KCNN2: variants seen among roughly 807,000 people sequenced by gnomAD.
The protein encoded by KCNN2 is potassium calcium-activated channel subfamily N member 2.
A neutral mutation model predicts 55.5 loss-of-function variants in KCNN2; 24 were observed. That is an observed-to-expected ratio of 0.43 (90% CI 0.31 to 0.61). The LOEUF (loss-of-function observed/expected upper bound fraction) is 0.61. Ranked by LOEUF, KCNN2 falls within the 20% of genes least tolerant of loss-of-function variation. The pLI is 0.08. For synonymous variants in KCNN2, 431 were observed against 336.1 expected (o/e 1.28, Z -3.09); for missense variants, 754 against 853.6 (o/e 0.88, Z 1.45).
At chr5:114,275,682 C>T (rs1363587666) in intron 2 of KCNN2, among the ~76,000 whole-genome samples, 2 of 151,576 alleles carry the variant, frequency 1.3e-5, no homozygotes, top group East Asian at 3.9e-4. Flanking sequence ...TGGTGATATC[C>T]CCTTTATTAT....
chr5:114,355,005 A>G (rs1430606651), intron 2 of KCNN2, among the ~76,000 whole-genome samples: 1 of 152,196 alleles, frequency 6.6e-6, no homozygotes, highest in Non-Finnish European at 1.5e-5. Context: ...AACCTTGGTA[A>G]TTTATTTACA....
At chr5:114,300,847 A>G (rs1756139958) in intron 2 of KCNN2, among the ~76,000 whole-genome samples, 1 of 152,208 alleles carries the variant, frequency 6.6e-6, no homozygotes, top group South Asian at 2.1e-4. Context: ...CTCTAAGGTC[A>G]ATGAACTGTC....
At chr5:114,477,387 G>C (rs546126042) in intron 5 of KCNN2, among the ~76,000 whole-genome samples, 1 of 152,174 alleles carries the variant, frequency 6.6e-6, no homozygotes, top group South Asian at 2.1e-4. Flanking sequence ...TTCTCTGTAT[G>C]ACTACATTAA....
intron 1 of KCNN2, among the ~76,000 whole-genome samples, chr5:114,217,112 CTAAA>C (rs915852331): frequency 1.3e-5 from 2 of 152,042 alleles, no homozygotes; most frequent in African/African-American, 4.8e-5. Context: ...AATCAAATAA[CTAAA>C]TAAATGGAGA....
intron 4 of KCNN2, among the ~76,000 whole-genome samples, chr5:114,470,716 T>G (rs540455875): frequency 1.3e-5 from 2 of 152,350 alleles, no homozygotes; most frequent in African/African-American, 4.8e-5. Context: ...TTGTTTATCG[T>G]GTCTTCATAA....
At chr5:114,077,767 G>A (rs1409908162) in intron 1 of KCNN2, among the ~76,000 whole-genome samples, 1 of 152,162 alleles carries the variant, frequency 6.6e-6, no homozygotes, top group Admixed American at 6.5e-5. Flanking sequence ...GATAAAGCAG[G>A]TGTTTGAAAA....
intron 1 of KCNN2, among the ~76,000 whole-genome samples, chr5:114,101,769 C>A (rs1022632340): frequency 1.3e-5 from 2 of 151,998 alleles, no homozygotes. Context: ...TGAACTCATC[C>A]TTTTTATGGC....
At chr5:114,422,202 A>C (rs144826072) in intron 3 of KCNN2, among the ~76,000 whole-genome samples, 5 of 152,198 alleles carry the variant, frequency 3.3e-5, no homozygotes, top group African/African-American at 1.2e-4. Context: ...TCTTACTGCT[A>C]TAGATTAAAT....
At chr5:114,226,794 G>A (rs990638564) in intron 2 of KCNN2, among the ~76,000 whole-genome samples, 1 of 151,568 alleles carries the variant, frequency 6.6e-6, no homozygotes, top group Non-Finnish European at 1.5e-5. Context: ...CCAGCTACTT[G>A]GGAGGCTGAG....
intron 1 of KCNN2, among the ~76,000 whole-genome samples, chr5:114,122,877 G>A (rs1200818751): frequency 6.6e-6 from 1 of 152,142 alleles, no homozygotes; most frequent in Non-Finnish European, 1.5e-5. Context: ...GAACACTGGA[G>A]GAAAGCAAAT....
intron 1 of KCNN2, among the ~76,000 whole-genome samples, chr5:114,199,433 A>G (rs1753624322): frequency 6.6e-6 from 1 of 152,134 alleles, no homozygotes; most frequent in South Asian, 2.1e-4. Context: ...TAATATTGAT[A>G]TATGAGGCTT....
chr5:114,241,286 G>A (rs939299018), intron 2 of KCNN2, among the ~76,000 whole-genome samples: 1 of 151,760 alleles, frequency 6.6e-6, no homozygotes, highest in Non-Finnish European at 1.5e-5. Context: ...AATAGATTTG[G>A]AATAGGTAAA....
At chr5:114,272,368 C>T (rs1406135484) in intron 2 of KCNN2, among the ~76,000 whole-genome samples, 3 of 122,460 alleles carry the variant, frequency 2.4e-5, no homozygotes, top group South Asian at 2.8e-4. Context: ...CATATACACA[C>T]ACATATGTAT....
At chr5:114,393,623 T>C (rs1265150817) in intron 2 of KCNN2, among the ~76,000 whole-genome samples, 1 of 152,090 alleles carries the variant, frequency 6.6e-6, no homozygotes, top group Non-Finnish European at 1.5e-5. Flanking sequence ...AAGTCTCCCA[T>C]CCATTTCTAG....
At chr5:114,056,880 A>G (rs753876475) in intron 1 of KCNN2, among the ~76,000 whole-genome samples, 3 of 152,062 alleles carry the variant, frequency 2.0e-5, no homozygotes, top group Non-Finnish European at 4.4e-5. Flanking sequence ...GAAAATATGA[A>G]CCAAATGAAG....
intron 1 of KCNN2, among the ~76,000 whole-genome samples, chr5:114,111,431 C>T (rs1436991653): frequency 6.6e-6 from 1 of 152,122 alleles, no homozygotes; most frequent in African/African-American, 2.4e-5. Flanking sequence ...GCAAAGACTT[C>T]ATGACTAAAA....
chr5:114,160,383 T>A (rs1485429359), intron 1 of KCNN2, among the ~76,000 whole-genome samples: 3 of 152,182 alleles, frequency 2.0e-5, no homozygotes, highest in African/African-American at 2.4e-5. Flanking sequence ...TTGTTATAAT[T>A]TCTATTCTTT....
intron 3 of KCNN2, among the ~76,000 whole-genome samples, chr5:114,448,764 C>A (rs1194989154): frequency 1.3e-5 from 2 of 152,182 alleles, no homozygotes; most frequent in Non-Finnish European, 2.9e-5. Context: ...GAGGCTAAGA[C>A]TTCTTGTCAT....
In KCNN2 at chr5:114,404,626, T is replaced by C. The variant is rs1348992317; in HGVS notation, c.1407T>C (p.Ile469=). 12 of 1,614,054 alleles carry C rather than the reference T, an allele frequency of 7.4e-6. No individual in the cohort carries two copies. In the East Asian group the frequency reaches 2.7e-4, roughly 36 times the overall value. ...CAACCACCGCTGATGTGGATATTAT[T>C]TTATCTATACCAATGTTCTTAAGAC... ...PSTTTADVDI[I]LSIPMFLRLY... Residue 469 remains isoleucine (I), a synonymous_variant, in exon 3 of 8, where the codon ATT becomes ATC. Coordinates refer to ENST00000673685, the MANE Select transcript of KCNN2 (RefSeq NM_021614.4).
Sources: allele counts gnomAD v4.1 joint callset (sites outside exome capture counted in the v4.1 genomes callset), GRCh38; gene constraint gnomAD v4.1.1; transcripts MANE v1.5; gene names NCBI Gene and HGNC (gene_info 2026-07-23, HGNC 2026-07-21).